The following CETN3 variants were observed in gnomAD, a reference collection of about 807,000 sequenced individuals.
The protein encoded by CETN3 is centrin-3.
Under a neutral mutation model 20.1 loss-of-function variants are expected in CETN3, and 17 were observed. The observed-to-expected ratio is 0.85, with a 90% CI of 0.58 to 1.27. CETN3 has a LOEUF of 1.27. Ranked by LOEUF, CETN3 falls within the 50% of genes most tolerant of loss-of-function variation. The pLI, the probability that CETN3 is intolerant of heterozygous loss-of-function variation, is 0.00. For missense variants in CETN3, 169 were observed against 191.2 expected (o/e 0.88, Z 0.69); for synonymous variants, 52 against 59.7 (o/e 0.87, Z 0.59).
In CETN3 at chr5:90,407,821, C is replaced by T; in HGVS notation, c.31G>A (p.Val11Met). 1 of 1,590,214 alleles carries T rather than the reference C, an allele frequency of 6.3e-7. No individual in the cohort carries two copies. The highest frequency in any genetic ancestry group is 1.4e-5 in the African/African-American group (1 of 73,920). MSLALRSELV[V>M]DKTKRKKRRE... ...CTTTTTTTCCTCTTTGTTTTGTCCACTACAAGCTCACTTCTATGAAATGGA... is the reference window on the plus strand; with the variant it reads ...CTTTTTTTCCTCTTTGTTTTGTCCATTACAAGCTCACTTCTATGAAATGGA... The change falls in exon 2 of 5, where the codon GTG becomes ATG. Residue 11 changes from valine to methionine, a missense_variant. Coordinates refer to ENST00000283122, the MANE Select transcript of CETN3 (RefSeq NM_004365.4).
At chr5:90,402,838 T>G (rs1397148048) in intron 3 of CETN3, among the ~76,000 whole-genome samples, 1 of 152,216 alleles carries the variant, frequency 6.6e-6, no homozygotes, top group African/African-American at 2.4e-5. Context: ...TATATTTACA[T>G]TGTAAACTCC....
At chr5:90,405,057 T>C (rs1477877977) in intron 3 of CETN3, among the ~76,000 whole-genome samples, 2 of 152,200 alleles carry the variant, frequency 1.3e-5, no homozygotes, top group African/African-American at 4.8e-5. Context: ...ATTAAGCCTA[T>C]GACACATTAT....
intron 2 of CETN3, among the ~76,000 whole-genome samples, chr5:90,406,853 AAAC>A (rs1432192619): frequency 0.016 from 2,166 of 137,498 alleles, 121 homozygotes; most frequent in African/African-American, 0.07. Context: ...AAAAAAAAAA[AAAC>A]AAAAAAAACA....
chr5:90,409,555 C>T (rs986494165), intron 1 of CETN3, 90 bp downstream of exon 1: 8 of 1,496,552 alleles, frequency 5.3e-6, no homozygotes, highest in Admixed American at 5.0e-5. Flanking sequence ...CCCTGCCTCG[C>T]CTCGGCCCCA....
At chr5:90,409,365 A>T (rs2151884891) in intron 1 of CETN3, among the ~76,000 whole-genome samples, 1 of 152,302 alleles carries the variant, frequency 6.6e-6, no homozygotes, top group Non-Finnish European at 1.5e-5. Context: ...GCGATATTTC[A>T]TTCCCACCTC....
intron 3 of CETN3, among the ~76,000 whole-genome samples, chr5:90,400,107 A>T (rs1348815579): frequency 6.6e-6 from 1 of 152,172 alleles, no homozygotes; most frequent in African/African-American, 2.4e-5. Flanking sequence ...AAATTCCACT[A>T]ATACCTTTGT....
Position 90,393,395 on chromosome 5 carries a change from C to T in CETN3, c.*669G>A, listed in dbSNP as rs1381907781. ...AAGGAAATATTCAGAAGAAAATTAACTTTCATACTTACAATGATACCAAGT... is the reference window on the plus strand; with the variant it reads ...AAGGAAATATTCAGAAGAAAATTAATTTTCATACTTACAATGATACCAAGT... On this transcript the variant is annotated 3_prime_UTR_variant, in exon 5 of 5. Coordinates refer to ENST00000283122, the MANE Select transcript of CETN3 (RefSeq NM_004365.4). The T allele has an allele frequency of 2.6e-5, 4 of 152,102 alleles. No individual in the cohort carries two copies. The highest frequency in any genetic ancestry group is 5.9e-5 in the Non-Finnish European group (4 of 68,000). The allele number at this position is 152,102 out of a possible 1,614,324, so 9.4% of individuals were successfully genotyped here. A position where few individuals can be genotyped will look rare whatever the true frequency, so the allele number is the denominator to read the frequency against.
intron 2 of CETN3, 41 bp from the exon 3 acceptor site, chr5:90,405,840 T>C (rs1749425139): frequency 8.4e-7 from 1 of 1,196,806 alleles, no homozygotes; most frequent in East Asian, 2.4e-5. Flanking sequence ...AAAGCACTCT[T>C]TACAAAAGAA....
At chr5:90,396,418 G>C in intron 4 of CETN3, 2 of 1,482,272 alleles carry the variant, frequency 1.3e-6, no homozygotes, top group Non-Finnish European at 1.8e-6. Context: ...TCTTAGGAAA[G>C]CTATGATCCC....
At chr5:90,400,713 T>C (rs2151882772) in intron 3 of CETN3, among the ~76,000 whole-genome samples, 1 of 152,208 alleles carries the variant, frequency 6.6e-6, no homozygotes, top group East Asian at 1.9e-4. Flanking sequence ...TCACCCGTAT[T>C]TGGTTCAATA....
chr5:90,404,868 G>GA (rs375642418), intron 3 of CETN3, among the ~76,000 whole-genome samples: 10,058 of 122,132 alleles, frequency 0.082, 846 homozygotes, highest in African/African-American at 0.23. Context: ...TTGGTTTAGA[G>GA]AAAAAAAAAA....
At chr5:90,401,967 A>G (rs1480288747) in intron 3 of CETN3, among the ~76,000 whole-genome samples, 3 of 151,958 alleles carry the variant, frequency 2.0e-5, no homozygotes, top group African/African-American at 7.2e-5. Flanking sequence ...TCCCACCTCA[A>G]CCTCCAAAGT....
At chr5:90,407,058 T>C (rs1247871029) in intron 2 of CETN3, among the ~76,000 whole-genome samples, 1 of 151,978 alleles carries the variant, frequency 6.6e-6, no homozygotes, top group Non-Finnish European at 1.5e-5. Flanking sequence ...CACCTATCCA[T>C]TAAGGCCATT....
In CETN3 at chr5:90,393,518, T is replaced by C. The variant is rs1422643895; in HGVS notation, c.*546A>G. The C allele has an allele frequency of 6.6e-6, 1 of 152,408 alleles. No individual in the cohort carries two copies. Among genetic ancestry groups the C allele is most frequent in the Non-Finnish European group, 1.5e-5 (1 of 68,206 alleles). The allele number at this position is 152,408 out of a possible 1,614,324, so 9.4% of individuals were successfully genotyped here. On this transcript the variant is annotated 3_prime_UTR_variant, in exon 5 of 5. Transcript: ENST00000283122. ...ACTCTTAAAAAAGGAATTAGGCTTA[T>C]ATTGAGTCAGCTTGTATTAAAATAT...
intron 4 of CETN3, 180 bp downstream of exon 4, chr5:90,399,178 T>C (rs1749214323): frequency 6.4e-6 from 4 of 623,198 alleles, no homozygotes; most frequent in Middle Eastern, 4.3e-4. Flanking sequence ...TCTTGAAGTA[T>C]AATTGGTTTT....
intron 4 of CETN3, among the ~76,000 whole-genome samples, chr5:90,398,788 C>A (rs1749204183): frequency 6.6e-6 from 1 of 152,008 alleles, no homozygotes; most frequent in Non-Finnish European, 1.5e-5. Context: ...AGAATGATAC[C>A]AAGAGACTGA....
chr5:90,394,324 C>T (rs187231634), intron 4 of CETN3, among the ~76,000 whole-genome samples: 1 of 151,960 alleles, frequency 6.6e-6, no homozygotes, highest in East Asian at 1.9e-4. Context: ...ATGTGATAAA[C>T]ATTACAAATT....
At chr5:90,399,844 T>C (rs950793157) in intron 3 of CETN3, among the ~76,000 whole-genome samples, 1 of 152,214 alleles carries the variant, frequency 6.6e-6, no homozygotes, top group African/African-American at 2.4e-5. Context: ...ACCATATTTA[T>C]TTAAGATCTA....
chr5:90,399,081 G>C (rs541343116), intron 4 of CETN3: 1 of 562,468 alleles, frequency 1.8e-6, no homozygotes. Flanking sequence ...TTAGCATGTA[G>C]GTTGAGGGAG....
Sources: allele counts gnomAD v4.1 joint callset (sites outside exome capture counted in the v4.1 genomes callset), GRCh38; gene constraint gnomAD v4.1.1; transcripts MANE v1.5; gene names NCBI Gene and HGNC (gene_info 2026-07-23, HGNC 2026-07-21).